Variants in RB1 observed in about 807,000 individuals in gnomAD.
The protein encoded by RB1 is retinoblastoma-associated protein.
Under a neutral mutation model 135.4 loss-of-function variants are expected in RB1, and 18 were observed. That is an observed-to-expected ratio of 0.13 (90% CI 0.09 to 0.20). The LOEUF (loss-of-function observed/expected upper bound fraction) is 0.20, where lower values mean the gene tolerates loss of function less well. Among genes scored for constraint, RB1 ranks in the 10% least tolerant of loss-of-function variants. The probability of loss-of-function intolerance (pLI) is 1.00; values close to 1 mark genes in which losing one functional copy is unlikely to be tolerated. For missense variants in RB1, 868 were observed against 1,110.0 expected, an observed-to-expected ratio of 0.78 and a Z score of 3.10; for synonymous variants, 365 against 373.2, an observed-to-expected ratio of 0.98 and a Z score of 0.25.
At chr13:48,450,882 G>C (rs531645835) in intron 17 of RB1, among the ~76,000 whole-genome samples, 1 of 152,264 alleles carries the variant, frequency 6.6e-6, no homozygotes, top group South Asian at 2.1e-4. Context: ...GGTTGTTGAA[G>C]AGGCCCGTCA....
rs115900692 is a variant in RB1 at position 48,431,780 on chromosome 13, C to T, written c.1696-21213C>T. Among the ~76,000 whole-genome samples the T allele has an allele frequency of 3.6e-3, 548 of 152,090 alleles. 3 individuals carry two copies. Among genetic ancestry groups the T allele is most frequent in the African/African-American group, 0.012 (493 of 41,496 alleles). ...CAGAAGTGGACTATTTCAACCTAAC[C>T]GAAAAAGATTGCTGGATTTTTGCCC... On this transcript the variant is annotated intron_variant, in intron 17 of 26. Transcript: ENST00000267163.
chr13:48,458,706 T>C (rs894129462), intron 19 of RB1, among the ~76,000 whole-genome samples: 1 of 152,208 alleles, frequency 6.6e-6, no homozygotes, highest in Non-Finnish European at 1.5e-5. Flanking sequence ...AATTTCAAAT[T>C]ACCTCATGCA....
intron 5 of RB1, 80 bp from the exon 6 acceptor site, chr13:48,348,876 A>G: frequency 6.6e-7 from 1 of 1,511,224 alleles, no homozygotes; most frequent in South Asian, 1.2e-5. Context: ...AAAAAGAAAC[A>G]CCCAAAAGAT....
intron 17 of RB1, among the ~76,000 whole-genome samples, chr13:48,397,937 G>C (rs1948661441): frequency 6.6e-6 from 1 of 152,148 alleles, no homozygotes; most frequent in Non-Finnish European, 1.5e-5. Context: ...CTTTGCAGAA[G>C]TATTTTAAGT....
chr13:48,411,681 T>G, intron 17 of RB1: 4 of 1,610,458 alleles, frequency 2.5e-6, no homozygotes, highest in Non-Finnish European at 3.4e-6. Context: ...TAAAATAAGA[T>G]TGATATTGTA....
intron 17 of RB1, among the ~76,000 whole-genome samples, chr13:48,396,108 G>A (rs1302851076): frequency 6.6e-6 from 1 of 152,108 alleles, no homozygotes; most frequent in African/African-American, 2.4e-5. Flanking sequence ...TCCCCATCAA[G>A]CTACCTTTGG....
chr13:48,430,265 T>G (rs1251802635), intron 17 of RB1, among the ~76,000 whole-genome samples: 1 of 152,116 alleles, frequency 6.6e-6, no homozygotes, highest in African/African-American at 2.4e-5. Flanking sequence ...GTGGAGAAAA[T>G]TCAGGATAAT....
intron 2 of RB1, among the ~76,000 whole-genome samples, chr13:48,316,572 T>C (rs1314067340): frequency 1.3e-5 from 2 of 152,260 alleles, no homozygotes; most frequent in African/African-American, 2.4e-5. Context: ...ATTTTTTACA[T>C]CACTTTAAAT....
At chr13:48,428,929 A>G (rs956337800) in intron 17 of RB1, among the ~76,000 whole-genome samples, 1 of 152,202 alleles carries the variant, frequency 6.6e-6, no homozygotes, top group Middle Eastern at 3.2e-3. Context: ...TCTTTTACCT[A>G]TTACTGAGGG....
chr13:48,330,859 A>T (rs751887863), intron 2 of RB1, among the ~76,000 whole-genome samples: 12 of 152,246 alleles, frequency 7.9e-5, no homozygotes, highest in Non-Finnish European at 1.3e-4. Context: ...AAAGAAGATT[A>T]TAGGTCAATA....
At chr13:48,365,167 T>A (rs1952682765) in intron 9 of RB1, among the ~76,000 whole-genome samples, 196 bp downstream of exon 9, 1 of 152,194 alleles carries the variant, frequency 6.6e-6, no homozygotes, top group Non-Finnish European at 1.5e-5. Flanking sequence ...TCAAATGTAT[T>A]AGCATCATTT....
Position 48,311,985 on chromosome 13 carries a change from G to A in RB1, c.264+4579G>A, listed in dbSNP as rs542409013. Among the ~76,000 whole-genome samples, 7 of 152,350 alleles carry A rather than the reference G, an allele frequency of 4.6e-5. No individual in the cohort carries two copies. In the East Asian group the frequency reaches 9.6e-4, roughly 21 times the overall value. On this transcript the variant is annotated intron_variant, in intron 2 of 26. Coordinates refer to ENST00000267163, the MANE Select transcript of RB1 (RefSeq NM_000321.3). Reference sequence around the variant, plus strand: ...CAAAGTGCTGGCATTACAGGCGTGAGCCACTGTGCCTGGCCTTTATTAGTG... The same window carrying A: ...CAAAGTGCTGGCATTACAGGCGTGAACCACTGTGCCTGGCCTTTATTAGTG...
At chr13:48,367,003 C>A (rs1392071232) in intron 9 of RB1, among the ~76,000 whole-genome samples, 1 of 150,808 alleles carries the variant, frequency 6.6e-6, no homozygotes, top group Non-Finnish European at 1.5e-5. Flanking sequence ...CCTATAATCC[C>A]AGCTACTCGG....
chr13:48,329,380 C>T (rs1049320336), intron 2 of RB1, among the ~76,000 whole-genome samples: 4 of 152,222 alleles, frequency 2.6e-5, no homozygotes, highest in Non-Finnish European at 5.9e-5. Flanking sequence ...TAATTATTTT[C>T]CCTAGTTTTA....
chr13:48,449,470 T>G (rs532734954), intron 17 of RB1, among the ~76,000 whole-genome samples: 1 of 152,368 alleles, frequency 6.6e-6, no homozygotes, highest in East Asian at 1.9e-4. Context: ...TGGCTTTCCT[T>G]AATGCTGAGT....
At chr13:48,345,260 A>G in intron 4 of RB1, 61 bp downstream of exon 4, 1 of 1,545,034 alleles carries the variant, frequency 6.5e-7, no homozygotes, top group East Asian at 2.3e-5. Flanking sequence ...TCACAATTAG[A>G]TTCTGGGAAT....
At position 48,356,435 on chromosome 13, in the gene RB1, A is replaced by T. The variant is rs118071558; in HGVS notation, c.608-3582A>T. Among the ~76,000 whole-genome samples the T allele has an allele frequency of 5.1e-3, 782 of 152,142 alleles. 4 individuals carry two copies. Among genetic ancestry groups the T allele is most frequent in the Non-Finnish European group, 8.2e-3 (556 of 67,946 alleles). On this transcript the variant is annotated intron_variant, in intron 6 of 26. Transcript: ENST00000267163. ...GTATTTTGTCACTTTAAGTGATATT[A>T]TTTCTAAAATTATTTCTCTAAGATT... is the stretch of plus-strand genomic sequence containing the variant.
intron 17 of RB1, among the ~76,000 whole-genome samples, chr13:48,388,218 G>A (rs1416032814): frequency 6.6e-6 from 1 of 152,204 alleles, no homozygotes; most frequent in African/African-American, 2.4e-5. Flanking sequence ...ACAGAGAGGA[G>A]TCAACTTATG....
intron 17 of RB1, among the ~76,000 whole-genome samples, chr13:48,405,678 C>G (rs1242113583): frequency 6.6e-6 from 1 of 152,136 alleles, no homozygotes; most frequent in Non-Finnish European, 1.5e-5. Flanking sequence ...GAAAGTTTGT[C>G]AATACCCAAT....
Sources: allele counts gnomAD v4.1 joint callset (sites outside exome capture counted in the v4.1 genomes callset), GRCh38; gene constraint gnomAD v4.1.1; transcripts MANE v1.5; gene names NCBI Gene and HGNC (gene_info 2026-07-23, HGNC 2026-07-21).